Variants in DPH6 observed in about 807,000 individuals in gnomAD.
The protein encoded by DPH6 is diphthine--ammonia ligase.
Under a neutral mutation model 38.2 loss-of-function variants are expected in DPH6, and 33 were observed. That is an observed-to-expected ratio of 0.86 (90% CI 0.65 to 1.15). The LOEUF is 1.15. DPH6 is among the 50% of genes most tolerant of loss of function. DPH6 has a pLI of 0.00. For synonymous variants in DPH6, 108 were observed against 103.0 expected (o/e 1.05, Z -0.30); for missense variants, 325 against 320.0 (o/e 1.02, Z -0.12).
chr15:35,399,868 T>C (rs2053193839), intron 6 of DPH6, among the ~76,000 whole-genome samples: 1 of 152,230 alleles, frequency 6.6e-6, no homozygotes, highest in African/African-American at 2.4e-5. Context: ...CCATGGGTTC[T>C]TTCTTAGAAA....
intron 3 of DPH6, among the ~76,000 whole-genome samples, chr15:35,524,416 C>G (rs899578720): frequency 6.6e-6 from 1 of 152,126 alleles, no homozygotes; most frequent in Non-Finnish European, 1.5e-5. Context: ...GACTTAATAA[C>G]CCTAACCCCT....
intron 3 of DPH6, among the ~76,000 whole-genome samples, chr15:35,482,108 T>C (rs2054334204): frequency 6.6e-6 from 1 of 151,894 alleles, no homozygotes; most frequent in Non-Finnish European, 1.5e-5. Flanking sequence ...CCAGAGAGGG[T>C]TGACTAGATT....
intron 3 of DPH6, among the ~76,000 whole-genome samples, chr15:35,487,291 A>C (rs937916235): frequency 6.6e-6 from 1 of 152,216 alleles, no homozygotes; most frequent in Non-Finnish European, 1.5e-5. Flanking sequence ...TTTCAACCCC[A>C]CATTTCCCCT....
chr15:35,342,099 G>T (rs1351294469), intron 3 of DPH6, among the ~76,000 whole-genome samples: 3 of 152,190 alleles, frequency 2.0e-5, no homozygotes, highest in African/African-American at 4.8e-5. Context: ...CTTGTGAGGT[G>T]CTGTGGAAGT....
chr15:35,287,739 C>T (rs2051953388), intron 3 of DPH6, among the ~76,000 whole-genome samples: 1 of 151,782 alleles, frequency 6.6e-6, no homozygotes, highest in Non-Finnish European at 1.5e-5. Context: ...TCTTATTAGA[C>T]CCTCAACCCA....
intron 3 of DPH6, among the ~76,000 whole-genome samples, chr15:35,353,652 TACCAGTA>T (rs1230756955): frequency 6.6e-6 from 1 of 152,224 alleles, no homozygotes; most frequent in Non-Finnish European, 1.5e-5. Context: ...TCTGTTTTGG[TACCAGTA>T]GCATGCTGTT....
intron 3 of DPH6, chr15:35,489,632 A>T: frequency 1.0e-6 from 1 of 981,700 alleles, no homozygotes; most frequent in Non-Finnish European, 1.2e-6. Context: ...TCTGCAACAT[A>T]ATGTTAAGTA....
chr15:35,172,263 T>C, the DPH6 span, among the ~76,000 whole-genome samples: 1 of 152,220 alleles, frequency 6.6e-6, no homozygotes. Context: ...GCCACCTATG[T>C]GGACAATCTC....
intron 3 of DPH6, among the ~76,000 whole-genome samples, chr15:35,334,508 T>C (rs766108183): frequency 8.5e-5 from 13 of 152,156 alleles, no homozygotes; most frequent in Middle Eastern, 6.8e-3. Flanking sequence ...CACCTAGGTA[T>C]TAAGTGCAGC....
At chr15:35,148,702 C>T in the DPH6 span, among the ~76,000 whole-genome samples, 222 of 152,272 alleles carry the variant, frequency 1.5e-3, 3 homozygotes, top group Middle Eastern at 0.02. Flanking sequence ...GAACCCAGGT[C>T]TTTTGATTCC....
At chr15:35,200,003 GTC>G in the DPH6 span, among the ~76,000 whole-genome samples, 20 of 152,044 alleles carry the variant, frequency 1.3e-4, no homozygotes, top group African/African-American at 4.8e-4. Flanking sequence ...CAGTATAGTG[GTC>G]TCTCTCTTTT....
rs186122127 is a variant in DPH6 at position 35,372,099 on chromosome 15, A to T, written c.*51T>A. On this transcript the variant is annotated 3_prime_UTR_variant, in exon 9 of 9. Transcript: ENST00000256538. ...ATAGTAACTGAGAAAATACTATGCA[A>T]TTTTTTTGTATAGAAATGGTGGTTT... The T allele has an allele frequency of 1.0e-4, 148 of 1,484,492 alleles. No individual in the cohort carries two copies. The African/African-American group carries it at 1.9e-3, about 19-fold the overall frequency. The allele number at this position is 1,484,492 out of a possible 1,614,324, so 92.0% of individuals were successfully genotyped here.
intron 3 of DPH6, among the ~76,000 whole-genome samples, chr15:35,462,258 TAC>T (rs1469816127): frequency 6.6e-6 from 1 of 152,166 alleles, no homozygotes; most frequent in Non-Finnish European, 1.5e-5. Context: ...TCTTCCTCCC[TAC>T]AGTCTATCTC....
the DPH6 span, among the ~76,000 whole-genome samples, chr15:35,161,816 C>T: frequency 6.6e-6 from 1 of 151,956 alleles, no homozygotes; most frequent in African/African-American, 2.4e-5. Context: ...TTTTGGACTT[C>T]TCAGCCTCTA....
chr15:35,221,166 A>G (rs967868790), intron 3 of DPH6, among the ~76,000 whole-genome samples: 2 of 152,220 alleles, frequency 1.3e-5, no homozygotes, highest in Non-Finnish European at 2.9e-5. Flanking sequence ...TCCTGAACAC[A>G]CTAGGGTAGG....
chr15:35,157,712 C>G, the DPH6 span, among the ~76,000 whole-genome samples: 3 of 152,168 alleles, frequency 2.0e-5, no homozygotes, highest in African/African-American at 7.2e-5. Flanking sequence ...TACTGCATTC[C>G]TACTCTTTAA....
chr15:35,175,752 C>T, the DPH6 span, among the ~76,000 whole-genome samples: 2 of 152,162 alleles, frequency 1.3e-5, no homozygotes, highest in East Asian at 3.9e-4. Flanking sequence ...GCATTCTCCT[C>T]TAGGAGATAA....
chr15:35,252,543 G>T (rs318329), intron 3 of DPH6, among the ~76,000 whole-genome samples: 7 of 152,034 alleles, frequency 4.6e-5, no homozygotes, highest in Middle Eastern at 3.2e-3. Flanking sequence ...GCATCTTGTG[G>T]GACTAGTGAT....
At chr15:35,167,870 C>T in the DPH6 span, among the ~76,000 whole-genome samples, 2 of 152,068 alleles carry the variant, frequency 1.3e-5, no homozygotes, top group South Asian at 2.1e-4. Flanking sequence ...ATGAGGACTG[C>T]CAAGTGTAAT....
Sources: allele counts gnomAD v4.1 joint callset (sites outside exome capture counted in the v4.1 genomes callset), GRCh38; gene constraint gnomAD v4.1.1; transcripts MANE v1.5; gene names NCBI Gene and HGNC (gene_info 2026-07-23, HGNC 2026-07-21).